Variants in IGF2BP2 observed in about 807,000 individuals in gnomAD.
IGF2BP2 encodes the protein insulin-like growth factor 2 mRNA-binding protein 2.
In IGF2BP2, 17 loss-of-function variants were observed where a neutral mutation model predicts 75.8. The ratio of observed to expected loss-of-function variants is 0.22; its 90% confidence interval spans 0.15 to 0.34. The LOEUF is 0.34. IGF2BP2 is among the 10% of genes least tolerant of loss of function. The probability of loss-of-function intolerance (pLI) is 1.00; values close to 1 mark genes in which losing one functional copy is unlikely to be tolerated. For missense variants in IGF2BP2, 516 were observed against 772.4 expected, an observed-to-expected ratio of 0.67 and a Z score of 3.93; for synonymous variants, 288 against 295.6, an observed-to-expected ratio of 0.97 and a Z score of 0.26.
chr3:185,815,570 C>T (rs1740487060), intron 2 of IGF2BP2, among the ~76,000 whole-genome samples: 1 of 152,094 alleles, frequency 6.6e-6, no homozygotes, highest in Non-Finnish European at 1.5e-5. Flanking sequence ...AAACAGGAAG[C>T]CTAGTCCAGT....
At chr3:185,658,320 C>G (rs749443500) in intron 11 of IGF2BP2, 21 bp downstream of exon 11, 1 of 1,611,614 alleles carries the variant, frequency 6.2e-7, no homozygotes, top group South Asian at 1.1e-5. Flanking sequence ...GCAGGTGCGG[C>G]TGAACTGAGG....
intron 2 of IGF2BP2, among the ~76,000 whole-genome samples, chr3:185,736,172 G>A (rs1400963182): frequency 1.3e-5 from 2 of 152,160 alleles, no homozygotes; most frequent in Non-Finnish European, 2.9e-5. Flanking sequence ...CCTGGTTGAA[G>A]CTGCCTTGGC....
In IGF2BP2 at chr3:185,671,301, A is replaced by C. The variant is rs528365385; in HGVS notation, c.1200+1240T>G. ...AGTGGCTCCTGCCTATAATCCCAGC[A>C]CTTTGGAAGGCCGAGGCAGGCAGAT... On this transcript the variant is annotated intron_variant, in intron 10 of 15. Coordinates refer to ENST00000382199, the MANE Select transcript of IGF2BP2 (RefSeq NM_006548.6). Among the ~76,000 whole-genome samples the C allele has an allele frequency of 2.0e-5, 3 of 152,290 alleles. No homozygotes were observed. In the South Asian group the frequency reaches 6.2e-4, roughly 32 times the overall value.
At chr3:185,781,095 CT>C (rs1449184220) in intron 2 of IGF2BP2, among the ~76,000 whole-genome samples, 2 of 152,092 alleles carry the variant, frequency 1.3e-5, no homozygotes, top group Admixed American at 6.6e-5. Flanking sequence ...AGTTTTTTAA[CT>C]TTTCCAATAC....
intron 2 of IGF2BP2, among the ~76,000 whole-genome samples, chr3:185,795,018 C>T (rs1179099555): frequency 6.6e-6 from 1 of 152,130 alleles, no homozygotes; most frequent in African/African-American, 2.4e-5. Flanking sequence ...TTGCCTCAGC[C>T]TCCTGACTTG....
chr3:185,760,657 T>G (rs1356985365), intron 2 of IGF2BP2, among the ~76,000 whole-genome samples: 1 of 152,162 alleles, frequency 6.6e-6, no homozygotes, highest in Admixed American at 6.5e-5. Context: ...GTAAACTTGT[T>G]TGGGGGTCTG....
At position 185,677,068 on chromosome 3, in the gene IGF2BP2, T is replaced by TAGAGAGAGAG. The variant is rs71164535; in HGVS notation, c.813-1165_813-1156dup. On this transcript the variant is annotated intron_variant, in intron 7 of 15. Transcript: ENST00000382199. ...AGATATATATATATATATATATATA[T>TAGAGAGAGAG]AGAGAGAGAGAGAGAGAGAGAGAGA... is the stretch of plus-strand genomic sequence containing the variant. Among the ~76,000 whole-genome samples, 65 of 35,840 alleles carry TAGAGAGAGAG rather than the reference T, an allele frequency of 1.8e-3. 2 individuals are homozygous for TAGAGAGAGAG. Among genetic ancestry groups the TAGAGAGAGAG allele is most frequent in the African/African-American group, 3.9e-3 (25 of 6,392 alleles). 23.5% of individuals were successfully genotyped at this position (35,840 alleles called of 152,430 possible). A position where few individuals can be genotyped will look rare whatever the true frequency, so the allele number is the denominator to read the frequency against.
intron 9 of IGF2BP2, among the ~76,000 whole-genome samples, chr3:185,674,556 T>C (rs962553544): frequency 6.6e-6 from 1 of 152,164 alleles, no homozygotes; most frequent in African/African-American, 2.4e-5. Context: ...GCTACAAATA[T>C]ACAGTAAAGG....
intron 2 of IGF2BP2, among the ~76,000 whole-genome samples, chr3:185,806,030 C>G (rs886898317): frequency 3.3e-5 from 5 of 152,120 alleles, no homozygotes; most frequent in African/African-American, 1.2e-4. Context: ...CCGCCTCAGC[C>G]TGATCTCAGG....
At chr3:185,800,929 C>T (rs939190377) in intron 2 of IGF2BP2, among the ~76,000 whole-genome samples, 4 of 151,878 alleles carry the variant, frequency 2.6e-5, no homozygotes, top group African/African-American at 9.7e-5. Flanking sequence ...AGGCAATCTA[C>T]AGAATGGGAG....
chr3:185,658,512 T>TA, intron 10 of IGF2BP2, 103 bp from the exon 11 acceptor site: 1 of 923,322 alleles, frequency 1.1e-6, no homozygotes, highest in Admixed American at 2.2e-5. Context: ...CTCTGTGGCA[T>TA]CAGCTGGCTC....
At chr3:185,677,456 G>C (rs758437018) in intron 7 of IGF2BP2, among the ~76,000 whole-genome samples, 1 of 152,118 alleles carries the variant, frequency 6.6e-6, no homozygotes, top group Non-Finnish European at 1.5e-5. Flanking sequence ...TAGCTAGGCT[G>C]ATTTCAGGTC....
chr3:185,739,572 G>A (rs989503058), intron 2 of IGF2BP2, among the ~76,000 whole-genome samples: 1 of 152,152 alleles, frequency 6.6e-6, no homozygotes, highest in Non-Finnish European at 1.5e-5. Context: ...TTGGCCAGGA[G>A]CAGACACACT....
Position 185,645,363 on chromosome 3 carries a change from C to T in IGF2BP2, c.*168G>A, listed in dbSNP as rs1713334343. The T allele has an allele frequency of 1.7e-6, 1 of 601,360 alleles. No homozygotes were observed. Among genetic ancestry groups the T allele is most frequent in the Non-Finnish European group, 3.0e-6 (1 of 335,368 alleles). The allele number at this position is 601,360 out of a possible 1,614,324, so 37.3% of individuals were successfully genotyped here. On this transcript the variant is annotated 3_prime_UTR_variant, in exon 16 of 16. Coordinates refer to ENST00000382199, the MANE Select transcript of IGF2BP2 (RefSeq NM_006548.6). The surrounding 1 kb of genome is among the most constrained non-coding windows in gnomAD (Gnocchi z 4.9). The stretch of plus-strand genomic sequence containing the variant: ...TGACCTTCCCCGCCCCTCCTCGGCC[C>T]CTGGGGTTCTCAGGGCCTCGGCAGA...
intron 2 of IGF2BP2, among the ~76,000 whole-genome samples, chr3:185,809,708 GCA>G (rs1739542639): frequency 6.6e-6 from 1 of 151,972 alleles, no homozygotes; most frequent in Non-Finnish European, 1.5e-5. Context: ...TCACAAAAAA[GCA>G]AAATCTTTTA....
intron 2 of IGF2BP2, among the ~76,000 whole-genome samples, chr3:185,789,480 CA>C (rs1397045433): frequency 6.6e-6 from 1 of 152,112 alleles, no homozygotes; most frequent in Non-Finnish European, 1.5e-5. Context: ...TGACCACAGT[CA>C]TATCCCCTTC....
At chr3:185,652,036 C>T in intron 13 of IGF2BP2, 58 bp downstream of exon 13, 3 of 1,399,824 alleles carry the variant, frequency 2.1e-6, no homozygotes, top group Non-Finnish European at 3.0e-6. Context: ...GAATGTGCCT[C>T]TGAGGTGGCT....
chr3:185,654,375 T>TA (rs1211715184), intron 12 of IGF2BP2, among the ~76,000 whole-genome samples: 2 of 152,222 alleles, frequency 1.3e-5, no homozygotes, highest in Non-Finnish European at 2.9e-5. Context: ...TACCTGGCAT[T>TA]AAACCTGGTC....
chr3:185,691,120 CAG>C (rs1721894486), intron 5 of IGF2BP2, among the ~76,000 whole-genome samples: 1 of 151,898 alleles, frequency 6.6e-6, no homozygotes, highest in Non-Finnish European at 1.5e-5. Context: ...TTTTTCGAGA[CAG>C]AGTTTCGCCC....
Sources: allele counts gnomAD v4.1 joint callset (sites outside exome capture counted in the v4.1 genomes callset), GRCh38; gene constraint gnomAD v4.1.1; non-coding constraint Gnocchi (gnomAD v3.1); transcripts MANE v1.5; gene names NCBI Gene and HGNC (gene_info 2026-07-23, HGNC 2026-07-21).